Variants in ZNF827 observed in about 807,000 individuals in gnomAD.
ZNF827 encodes zinc finger protein 827.
In ZNF827, 13 loss-of-function variants were observed where a neutral mutation model predicts 102.4. The observed-to-expected ratio is 0.13, with a 90% CI of 0.08 to 0.20. The LOEUF is 0.20. Among genes scored for constraint, ZNF827 ranks in the 10% least tolerant of loss-of-function variants. ZNF827 has a pLI of 1.00. For synonymous variants in ZNF827, 523 were observed against 536.2 expected (o/e 0.98, Z 0.34); for missense variants, 1,103 against 1,344.4 (o/e 0.82, Z 2.81).
intron 9 of ZNF827, among the ~76,000 whole-genome samples, chr4:145,778,931 C>T (rs958031742): frequency 3.3e-5 from 5 of 151,950 alleles, no homozygotes; most frequent in African/African-American, 1.2e-4. Context: ...TTCCCTTTCC[C>T]AACTCTCAGA....
At chr4:145,858,629 G>C (rs1271520846) in intron 5 of ZNF827, among the ~76,000 whole-genome samples, 3 of 140,554 alleles carry the variant, frequency 2.1e-5, no homozygotes, top group South Asian at 2.2e-4. Context: ...GTGACACAGA[G>C]AGACCCTGTC....
In ZNF827 at chr4:145,870,240, A is replaced by C; in HGVS notation, c.1981+5T>G. On this transcript the variant is annotated splice_donor_5th_base_variant and intron_variant, in intron 5 of 14. Transcript: ENST00000508784. ...AATGTGAATATTTTAGAATAAATCA[A>C]GTACCTGAGAGTTTCATGAGAAGTT... 6.2e-7 allele frequency: 1 copy of C among 1,612,656 alleles called. No homozygotes were observed. The highest frequency in any genetic ancestry group is 8.5e-7 in the Non-Finnish European group (1 of 1,179,102).
intron 1 of ZNF827, among the ~76,000 whole-genome samples, chr4:145,930,164 C>A (rs1210411171): frequency 6.6e-6 from 1 of 152,222 alleles, no homozygotes; most frequent in African/African-American, 2.4e-5. Flanking sequence ...CAGCACCAGA[C>A]CACCTAAGAT....
At chr4:145,844,327 A>G (rs1214340890) in intron 7 of ZNF827, among the ~76,000 whole-genome samples, 1 of 151,716 alleles carries the variant, frequency 6.6e-6, no homozygotes, top group Non-Finnish European at 1.5e-5. Flanking sequence ...CAGACACAAG[A>G]CTAATACATA....
chr4:145,765,228 G>A lies in ZNF827; in HGVS notation c.3053-63C>T. The A allele has an allele frequency of 2.7e-6, 4 of 1,492,306 alleles. No individual in the cohort carries two copies. The highest frequency in any genetic ancestry group is 3.6e-6 in the Non-Finnish European group (4 of 1,113,792). 92.4% of individuals were successfully genotyped at this position (1,492,306 alleles called of 1,614,324 possible). On this transcript the variant is annotated intron_variant, in intron 12 of 14. Transcript: ENST00000508784. The surrounding 1 kb of genome is among the most constrained non-coding windows in gnomAD (Gnocchi z 4.7). Reference sequence around the variant, plus strand: ...CAGCGGGGAGAGGAGGGCAGGAGTGGAGCCAAGCTCCTCCCCACTTCCTCC... The same window carrying A: ...CAGCGGGGAGAGGAGGGCAGGAGTGAAGCCAAGCTCCTCCCCACTTCCTCC...
intron 7 of ZNF827, among the ~76,000 whole-genome samples, chr4:145,829,175 A>G (rs1743960168): frequency 6.6e-6 from 1 of 152,244 alleles, no homozygotes; most frequent in African/African-American, 2.4e-5. Flanking sequence ...TCTAAGAGAC[A>G]GTAACTTTCA....
rs916747216 is a variant in ZNF827 at position 145,761,950 on chromosome 4, C to G, written c.*18-352G>C. On this transcript the variant is annotated intron_variant, in intron 14 of 14. Coordinates refer to ENST00000508784, the MANE Select transcript of ZNF827 (RefSeq NM_001306215.2). The surrounding 1 kb of genome is among the most constrained non-coding windows in gnomAD (Gnocchi z 6.8). ...CCCGCCCGGCCCCTCGGAGCCCTCC[C>G]CACTCCCGACCAGACAGCGCAGAGG... is the stretch of plus-strand genomic sequence containing the variant. Among the ~76,000 whole-genome samples, 3 of 152,178 alleles carry G rather than the reference C, an allele frequency of 2.0e-5. No individual in the cohort carries two copies. Among genetic ancestry groups the G allele is most frequent in the African/African-American group, 7.2e-5 (3 of 41,438 alleles).
At chr4:145,791,608 A>G (rs933280083) in intron 8 of ZNF827, among the ~76,000 whole-genome samples, 1 of 152,208 alleles carries the variant, frequency 6.6e-6, no homozygotes, top group Non-Finnish European at 1.5e-5. Context: ...TCTCTATTAT[A>G]TCATTCTCAA....
chr4:145,876,892 T>G (rs1749192146), intron 4 of ZNF827: 1 of 152,176 alleles, frequency 6.6e-6, no homozygotes, highest in Non-Finnish European at 1.5e-5. Context: ...AAAAATCTGT[T>G]CCCATTTGCC....
chr4:145,895,458 A>C (rs566249209), intron 2 of ZNF827, among the ~76,000 whole-genome samples: 20 of 152,334 alleles, frequency 1.3e-4, no homozygotes, highest in Non-Finnish European at 2.6e-4. Context: ...ATTAGGGTGC[A>C]CTTGGACTGA....
intron 1 of ZNF827, among the ~76,000 whole-genome samples, chr4:145,931,333 C>T (rs150162343): frequency 6.6e-6 from 1 of 152,328 alleles, no homozygotes; most frequent in East Asian, 1.9e-4. Flanking sequence ...AAGTGTATCT[C>T]AGAAACAGGC....
chr4:145,910,001 A>C (rs982759515), intron 1 of ZNF827, among the ~76,000 whole-genome samples: 1 of 152,168 alleles, frequency 6.6e-6, no homozygotes, highest in African/African-American at 2.4e-5. Flanking sequence ...CCCAGGAAGA[A>C]AATGTAAGAA....
At chr4:145,776,955 G>A (rs1737205434) in intron 9 of ZNF827, among the ~76,000 whole-genome samples, 1 of 152,186 alleles carries the variant, frequency 6.6e-6, no homozygotes, top group African/African-American at 2.4e-5. Context: ...AAAAGGAGCA[G>A]GCTTTGCTTT....
chr4:145,927,750 T>TAAGA (rs1333525490), intron 1 of ZNF827, among the ~76,000 whole-genome samples: 1 of 152,202 alleles, frequency 6.6e-6, no homozygotes, highest in African/African-American at 2.4e-5. Context: ...TACAAGCTAA[T>TAAGA]TTCTTCCTTT....
chr4:145,891,099 T>G (rs1173393075), intron 3 of ZNF827, among the ~76,000 whole-genome samples: 1 of 152,214 alleles, frequency 6.6e-6, no homozygotes, highest in Non-Finnish European at 1.5e-5. Context: ...AGTAAACACT[T>G]TATAAATAAT....
In ZNF827 at chr4:145,763,072, C is replaced by T. The variant is rs1289248068; in HGVS notation, c.*17+18G>A. 5.9e-6 allele frequency: 9 copies of T among 1,535,396 alleles called. 1 individual carries two copies. Among genetic ancestry groups the T allele is most frequent in the Non-Finnish European group, 7.0e-6 (8 of 1,146,528 alleles). ...AGGTCAGGTGCACACACAACCCCTA[C>T]GCCAAGCTGGGCCTTACCTAGAGGA... On this transcript the variant is annotated intron_variant, in intron 14 of 14. Transcript: ENST00000508784. This position sits in a 1 kb window ranked among gnomAD's most constrained non-coding sequence, Gnocchi z 4.6.
intron 5 of ZNF827, among the ~76,000 whole-genome samples, chr4:145,869,206 C>T (rs1463671816): frequency 1.3e-5 from 2 of 152,146 alleles, no homozygotes; most frequent in African/African-American, 2.4e-5. Flanking sequence ...AATTTTTAAC[C>T]CCACCAACTG....
intron 8 of ZNF827, among the ~76,000 whole-genome samples, chr4:145,811,355 C>T (rs1208227558): frequency 6.6e-6 from 1 of 152,144 alleles, no homozygotes; most frequent in Non-Finnish European, 1.5e-5. Flanking sequence ...ATGTAAGCCT[C>T]ACCATGGCTC....
At chr4:145,767,891 A>T (rs937587538) in intron 11 of ZNF827, among the ~76,000 whole-genome samples, 1 of 143,246 alleles carries the variant, frequency 7.0e-6, no homozygotes, top group African/African-American at 2.6e-5. Context: ...AACCAGATAT[A>T]AAACTGATCT....
Sources: gnomAD v4.1 joint callset for allele counts (sites outside exome capture counted in the v4.1 genomes callset) on GRCh38, gnomAD v4.1.1 for gene constraint, Gnocchi (gnomAD v3.1) non-coding constraint, MANE v1.5 for transcripts, NCBI Gene and HGNC (gene_info 2026-07-23, HGNC 2026-07-21) for gene names.